CSGALNACT1: variants seen among roughly 807,000 people sequenced by gnomAD.
CSGALNACT1 encodes the protein beta4GalNAcT-1.
CSGALNACT1 carries 52 observed loss-of-function variants against 51.0 expected under a neutral mutation model. The observed-to-expected ratio is 1.02, with a 90% CI of 0.82 to 1.29. CSGALNACT1 has a LOEUF of 1.29. Among genes scored for constraint, CSGALNACT1 ranks in the 50% most tolerant of loss-of-function variants. The probability of loss-of-function intolerance (pLI) is 0.00; values close to 1 mark genes in which losing one functional copy is unlikely to be tolerated. For synonymous variants in CSGALNACT1, 341 were observed against 254.4 expected (o/e 1.34, Z -3.24); for missense variants, 935 against 679.2 (o/e 1.38, Z -4.19).
chr8:19,600,729 C>A (rs1252286038), intron 2 of CSGALNACT1, among the ~76,000 whole-genome samples: 1 of 151,872 alleles, frequency 6.6e-6, no homozygotes, highest in Non-Finnish European at 1.5e-5. Context: ...AAACTCCACA[C>A]ACCCTCATTT....
At chr8:19,474,869 GAAAAAAA>G (rs10683237) in intron 4 of CSGALNACT1, among the ~76,000 whole-genome samples, 1 of 86,172 alleles carries the variant, frequency 1.2e-5, no homozygotes, top group African/African-American at 4.7e-5. Context: ...CTCTGTCTCA[GAAAAAAA>G]AAAAAAAAAA....
intron 3 of CSGALNACT1, among the ~76,000 whole-genome samples, chr8:19,540,608 C>A (rs572294030): frequency 5.0e-4 from 76 of 152,258 alleles, no homozygotes; most frequent in African/African-American, 1.8e-3. Context: ...ATGTGGTGGG[C>A]CAGGTTCTTT....
intron 3 of CSGALNACT1, among the ~76,000 whole-genome samples, chr8:19,548,805 C>T (rs576316361): frequency 1.3e-4 from 20 of 152,208 alleles, no homozygotes; most frequent in African/African-American, 4.6e-4. Context: ...TTTTAGGTAA[C>T]GTTCTTCAAC....
chr8:19,577,370 A>C (rs1588596246), intron 3 of CSGALNACT1, among the ~76,000 whole-genome samples: 1 of 148,016 alleles, frequency 6.8e-6, no homozygotes, highest in Non-Finnish European at 1.5e-5. Context: ...TGAGAGCAGC[A>C]CCTAGACAAC....
At chr8:19,465,442 T>G (rs914500289) in intron 4 of CSGALNACT1, among the ~76,000 whole-genome samples, 21 of 152,126 alleles carry the variant, frequency 1.4e-4, no homozygotes, top group African/African-American at 5.1e-4. Flanking sequence ...TGCGCAAGAA[T>G]GTCAATGTAC....
intron 6 of CSGALNACT1, among the ~76,000 whole-genome samples, chr8:19,425,507 G>T (rs548307268): frequency 6.6e-6 from 1 of 152,116 alleles, no homozygotes; most frequent in Non-Finnish European, 1.5e-5. Flanking sequence ...ATGCAGAATC[G>T]ATTTTTTCCT....
At chr8:19,744,929 T>C (rs1315681206) in intron 1 of CSGALNACT1, among the ~76,000 whole-genome samples, 1 of 152,208 alleles carries the variant, frequency 6.6e-6, no homozygotes, top group South Asian at 2.1e-4. Flanking sequence ...CAGGAGTCTA[T>C]AATTTGGTCC....
intron 4 of CSGALNACT1, among the ~76,000 whole-genome samples, chr8:19,477,179 C>G (rs558587918): frequency 6.6e-6 from 1 of 152,344 alleles, no homozygotes; most frequent in African/African-American, 2.4e-5. Flanking sequence ...CCACCATTAT[C>G]AGTTACTGCA....
At chr8:19,667,991 C>T (rs1028739135) in intron 1 of CSGALNACT1, among the ~76,000 whole-genome samples, 2 of 152,106 alleles carry the variant, frequency 1.3e-5, no homozygotes, top group African/African-American at 4.8e-5. Context: ...CTGAAGGAAA[C>T]CTAACCATTC....
intron 3 of CSGALNACT1, among the ~76,000 whole-genome samples, chr8:19,562,738 T>C (rs2041047483): frequency 6.6e-6 from 1 of 152,190 alleles, no homozygotes; most frequent in South Asian, 2.1e-4. Context: ...AGATACCACC[T>C]CATGCCAGTC....
chr8:19,503,481 A>G (rs1180454877), intron 4 of CSGALNACT1, among the ~76,000 whole-genome samples: 2 of 152,216 alleles, frequency 1.3e-5, no homozygotes, highest in African/African-American at 4.8e-5. Flanking sequence ...TCCAAATTGC[A>G]GACACTGATT....
intron 3 of CSGALNACT1, among the ~76,000 whole-genome samples, chr8:19,535,960 T>C (rs1055878723): frequency 6.6e-6 from 1 of 152,134 alleles, no homozygotes; most frequent in Non-Finnish European, 1.5e-5. Context: ...ATAGATCTAG[T>C]ACTGGAAGTT....
chr8:19,685,548 T>C (rs1400212584), upstream of CSGALNACT1, among the ~76,000 whole-genome samples: 2 of 152,156 alleles, frequency 1.3e-5, no homozygotes, highest in Admixed American at 6.5e-5. Context: ...TGCTCCTAAT[T>C]AGCATTAACT....
chr8:19,440,822 T>C (rs1325655098), intron 5 of CSGALNACT1, among the ~76,000 whole-genome samples: 9 of 152,092 alleles, frequency 5.9e-5, no homozygotes, highest in Admixed American at 2.0e-4. Context: ...GAAAACCCCA[T>C]TGTCTCAGCC....
chr8:19,418,626 C>T, intron 8 of CSGALNACT1, 30 bp downstream of exon 7: 4 of 1,454,006 alleles, frequency 2.8e-6, no homozygotes, highest in Non-Finnish European at 3.9e-6. Flanking sequence ...AACAGAGCCA[C>T]ACAGAGCCAT....
At chr8:19,644,106 T>C (rs1477226657) in intron 1 of CSGALNACT1, among the ~76,000 whole-genome samples, 1 of 152,228 alleles carries the variant, frequency 6.6e-6, no homozygotes, top group Non-Finnish European at 1.5e-5. Context: ...ATTAAAATTA[T>C]GTTTATGAGT....
At chr8:19,631,150 G>A (rs996861813) in intron 1 of CSGALNACT1, among the ~76,000 whole-genome samples, 1 of 152,084 alleles carries the variant, frequency 6.6e-6, no homozygotes, top group East Asian at 1.9e-4. Flanking sequence ...TATGAATAAA[G>A]TTGCTATAAG....
intron 4 of CSGALNACT1, among the ~76,000 whole-genome samples, chr8:19,499,966 C>T (rs1192205574): frequency 6.6e-6 from 1 of 152,188 alleles, no homozygotes; most frequent in Non-Finnish European, 1.5e-5. Flanking sequence ...ATTCATTCTA[C>T]AAAGTACAGC....
At chr8:19,494,797 T>A (rs1237637017) in intron 4 of CSGALNACT1, among the ~76,000 whole-genome samples, 2 of 148,800 alleles carry the variant, frequency 1.3e-5, no homozygotes, top group African/African-American at 5.0e-5. Context: ...GCATTTTCCA[T>A]AGCATTGAGA....
Sources: gnomAD v4.1 joint callset for allele counts (sites outside exome capture counted in the v4.1 genomes callset) on GRCh38, gnomAD v4.1.1 for gene constraint, MANE v1.5 for transcripts, NCBI Gene and HGNC (gene_info 2026-07-23, HGNC 2026-07-21) for gene names.